Variants in NKAIN2 observed in about 807,000 individuals in gnomAD.
The protein encoded by NKAIN2 is sodium/potassium-transporting ATPase subunit beta-1-interacting protein 2.
In NKAIN2, 14 loss-of-function variants were observed where a neutral mutation model predicts 32.6. The observed-to-expected ratio is 0.43, with a 90% CI of 0.28 to 0.67. NKAIN2 has a LOEUF of 0.67. NKAIN2 is among the 30% of genes least tolerant of loss of function. The probability of loss-of-function intolerance (pLI) is 0.17; values close to 1 mark genes in which losing one functional copy is unlikely to be tolerated. For synonymous variants in NKAIN2, 80 were observed against 87.2 expected (o/e 0.92, Z 0.46); for missense variants, 198 against 258.3 (o/e 0.77, Z 1.60).
chr6:124,472,676 T>C (rs966759960), intron 3 of NKAIN2, among the ~76,000 whole-genome samples: 5 of 151,030 alleles, frequency 3.3e-5, no homozygotes, highest in African/African-American at 1.2e-4. Flanking sequence ...ATTTAACGTG[T>C]GATTATTGTG....
chr6:124,073,701 A>G (rs1783560629), intron 1 of NKAIN2, among the ~76,000 whole-genome samples: 1 of 152,130 alleles, frequency 6.6e-6, no homozygotes, highest in Admixed American at 6.5e-5. Flanking sequence ...GTTGACTAAA[A>G]AGACAAATCC....
intron 1 of NKAIN2, among the ~76,000 whole-genome samples, chr6:124,033,188 A>ATAT (rs1781476718): frequency 6.6e-6 from 1 of 152,154 alleles, no homozygotes; most frequent in African/African-American, 2.4e-5. Context: ...ACAAATGTAC[A>ATAT]GGAGTAACAT....
intron 1 of NKAIN2, among the ~76,000 whole-genome samples, chr6:123,974,511 C>G (rs1319734230): frequency 6.6e-6 from 1 of 152,138 alleles, no homozygotes; most frequent in Non-Finnish European, 1.5e-5. Context: ...AGACTGTAGT[C>G]TCTGCACATA....
intron 2 of NKAIN2, among the ~76,000 whole-genome samples, chr6:124,323,226 C>A (rs1374548988): frequency 6.6e-6 from 1 of 152,070 alleles, no homozygotes; most frequent in Non-Finnish European, 1.5e-5. Context: ...TGAAGCTTAT[C>A]TTTTCATACT....
intron 3 of NKAIN2, among the ~76,000 whole-genome samples, chr6:124,574,035 T>C (rs1349355920): frequency 1.3e-5 from 2 of 152,122 alleles, no homozygotes; most frequent in African/African-American, 4.8e-5. Context: ...GCTCTGTGCA[T>C]TGACATGCAC....
chr6:124,498,607 A>G, intron 3 of NKAIN2, among the ~76,000 whole-genome samples: 1 of 152,312 alleles, frequency 6.6e-6, no homozygotes. Context: ...AACAGAGCAT[A>G]ATTTTCTTAG....
In NKAIN2 at chr6:124,414,032, T is replaced by A. The variant is rs1045581345; in HGVS notation, c.273+58685T>A. ...TACTTTGTTCGTTTGTTTTTTTTTT[T>A]AATTACATTGCACTAATTAGAACCT... On this transcript the variant is annotated intron_variant, in intron 3 of 6. Transcript: ENST00000368417. Among the ~76,000 whole-genome samples, 336 of 151,338 alleles carry A rather than the reference T, an allele frequency of 2.2e-3. 5 individuals are homozygous for A. Among genetic ancestry groups the A allele is most frequent in the Non-Finnish European group, 2.9e-3 (196 of 67,844 alleles).
At chr6:124,489,970 G>T (rs1777797368) in intron 3 of NKAIN2, among the ~76,000 whole-genome samples, 1 of 151,806 alleles carries the variant, frequency 6.6e-6, no homozygotes, top group South Asian at 2.1e-4. Context: ...TACAAGAACT[G>T]AAATGGACAA....
intron 4 of NKAIN2, among the ~76,000 whole-genome samples, chr6:124,728,177 G>T (rs1241049433): frequency 4.9e-5 from 6 of 122,256 alleles, no homozygotes; most frequent in Non-Finnish European, 1.0e-4. Context: ...AGGATACCCA[G>T]GAATTGAACT....
intron 1 of NKAIN2, among the ~76,000 whole-genome samples, chr6:124,152,712 T>C (rs560407891): frequency 6.6e-6 from 1 of 152,102 alleles, no homozygotes; most frequent in Non-Finnish European, 1.5e-5. Flanking sequence ...CACTGCACTC[T>C]TGTGTTTGAG....
chr6:124,347,011 C>T (rs955089122), intron 2 of NKAIN2, among the ~76,000 whole-genome samples: 2 of 152,068 alleles, frequency 1.3e-5, no homozygotes, highest in African/African-American at 4.8e-5. Context: ...CCTTCAGGAG[C>T]TCTTTTAGGG....
intron 2 of NKAIN2, among the ~76,000 whole-genome samples, chr6:124,354,258 A>G (rs184856503): frequency 2.0e-3 from 309 of 152,262 alleles, no homozygotes; most frequent in Non-Finnish European, 3.6e-3. Flanking sequence ...ATAATGATCT[A>G]TTTTTAAAAA....
chr6:124,050,224 G>A (rs73770324), intron 1 of NKAIN2, among the ~76,000 whole-genome samples: 2,198 of 151,998 alleles, frequency 0.014, 49 homozygotes, highest in African/African-American at 0.05. Context: ...GTTTTATAGG[G>A]CACTCACATG....
intron 2 of NKAIN2, among the ~76,000 whole-genome samples, chr6:124,334,669 A>G (rs1279042065): frequency 1.3e-5 from 2 of 152,250 alleles, no homozygotes; most frequent in South Asian, 2.1e-4. Context: ...TTATAATACT[A>G]ATGTTATCTA....
intron 3 of NKAIN2, among the ~76,000 whole-genome samples, chr6:124,409,157 C>G (rs141494396): frequency 6.6e-6 from 1 of 152,130 alleles, no homozygotes; most frequent in Admixed American, 6.5e-5. Flanking sequence ...AATTTGACTT[C>G]CTCTTTTCCT....
chr6:124,587,649 A>C lies in NKAIN2; in HGVS notation c.274-70537A>C, dbSNP rs138436403. Among the ~76,000 whole-genome samples the C allele has an allele frequency of 3.7e-4, 57 of 152,302 alleles. No homozygotes were observed. In the East Asian group the frequency reaches 8.9e-3, roughly 24 times the overall value. The stretch of plus-strand genomic sequence containing the variant: ...GGCCCAGGGCCAGGTTTCCATATCT[A>C]AGCTTACTGCATGGTGAGACCAGTC... On this transcript the variant is annotated intron_variant, in intron 3 of 6. Transcript: ENST00000368417.
At chr6:123,898,771 T>C (rs1319349174) in intron 1 of NKAIN2, among the ~76,000 whole-genome samples, 1 of 152,146 alleles carries the variant, frequency 6.6e-6, no homozygotes, top group Admixed American at 6.5e-5. Flanking sequence ...TCTTTGGTAT[T>C]AGCTGGACCC....
chr6:124,011,202 TCTCTGAGTCCTC>T (rs1562307208), intron 1 of NKAIN2, among the ~76,000 whole-genome samples: 18 of 152,184 alleles, frequency 1.2e-4, no homozygotes. Context: ...TCCTTCTGAC[TCTCTGAGTCCTC>T]CTTGTTAGTG....
At chr6:124,170,685 CT>C (rs1188360325) in intron 1 of NKAIN2, among the ~76,000 whole-genome samples, 1 of 152,018 alleles carries the variant, frequency 6.6e-6, no homozygotes, top group Non-Finnish European at 1.5e-5. Context: ...AATGAAGCCA[CT>C]TTTTATGTCC....
Sources: allele counts gnomAD v4.1 joint callset (sites outside exome capture counted in the v4.1 genomes callset), GRCh38; gene constraint gnomAD v4.1.1; transcripts MANE v1.5; gene names NCBI Gene and HGNC (gene_info 2026-07-23, HGNC 2026-07-21).